NSD2: variants seen among roughly 807,000 people sequenced by gnomAD.
NSD2 encodes histone-lysine N-methyltransferase NSD2.
In NSD2, 12 loss-of-function variants were observed where a neutral mutation model predicts 139.0. The ratio of observed to expected loss-of-function variants is 0.09; its 90% CI spans 0.06 to 0.14. The LOEUF (loss-of-function observed/expected upper bound fraction) is 0.14. Ranked by LOEUF, NSD2 falls within the 10% of genes least tolerant of loss-of-function variation. The pLI, the probability that NSD2 is intolerant of heterozygous loss-of-function variation, is 1.00. For missense variants in NSD2, 1,155 were observed against 1,745.0 expected (o/e 0.66, Z 6.02); for synonymous variants, 669 against 648.7 (o/e 1.03, Z -0.48).
At chr4:1,947,918 G>C in intron 9 of NSD2, 1 of 1,056,524 alleles carries the variant, frequency 9.5e-7, no homozygotes, top group South Asian at 4.6e-5. Flanking sequence ...GTCACAGAAG[G>C]TGGCATCTGA....
chr4:1,946,767 T>C, intron 9 of NSD2: 5 of 1,049,604 alleles, frequency 4.8e-6, no homozygotes, highest in Non-Finnish European at 3.5e-6. Flanking sequence ...TTCATCTGAT[T>C]CCTATACTGG....
chr4:1,881,934 G>T (rs1714736587), intron 1 of NSD2, among the ~76,000 whole-genome samples: 1 of 152,318 alleles, frequency 6.6e-6, no homozygotes, highest in East Asian at 1.9e-4. Flanking sequence ...CCTGTGCAGA[G>T]CTTCTGTGAT....
At chr4:1,938,844 T>G (rs566430915) in intron 8 of NSD2, among the ~76,000 whole-genome samples, 4 of 152,360 alleles carry the variant, frequency 2.6e-5, no homozygotes, top group African/African-American at 9.6e-5. Flanking sequence ...GTTTTCAGGT[T>G]TCTTACTTGA....
intron 8 of NSD2, 162 bp from the exon 9 acceptor site, chr4:1,939,488 TTTTG>T (rs1342635230): frequency 2.7e-6 from 2 of 752,100 alleles, no homozygotes; most frequent in East Asian, 2.7e-5. Flanking sequence ...GTTTGTCTGC[TTTTG>T]TTTATGTTCA....
At chr4:1,919,953 G>A (rs1451508128) in intron 5 of NSD2, among the ~76,000 whole-genome samples, 1 of 151,936 alleles carries the variant, frequency 6.6e-6, no homozygotes, top group Non-Finnish European at 1.5e-5. Flanking sequence ...AGGAAAAAAA[G>A]TCTGTCTTCA....
chr4:1,959,145 C>T (rs1725121410), intron 16 of NSD2, among the ~76,000 whole-genome samples: 1 of 152,218 alleles, frequency 6.6e-6, no homozygotes, highest in Non-Finnish European at 1.5e-5. Flanking sequence ...GTGTACTAAG[C>T]AATCAACACG....
chr4:1,900,753 G>A lies in NSD2; in HGVS notation c.99G>A (p.Gly33=). Residue 33 remains glycine (G), a synonymous_variant, in exon 2 of 22, where the codon GGG becomes GGA. Transcript: ENST00000508803. ...QAPEILGSAN[G]KTPSCEVNRE... ...CAGAAATCCTCGGCAGTGCCAACGGGAAGACTCCGAGCTGCGAGGTGAACC... is the reference window on the plus strand; with the variant it reads ...CAGAAATCCTCGGCAGTGCCAACGGAAAGACTCCGAGCTGCGAGGTGAACC... 1 of 1,614,158 alleles carries A rather than the reference G, an allele frequency of 6.2e-7. No individual in the cohort carries two copies. Among genetic ancestry groups the A allele is most frequent in the Non-Finnish European group, 8.5e-7 (1 of 1,180,032 alleles).
intron 5 of NSD2, among the ~76,000 whole-genome samples, chr4:1,921,356 G>A (rs531648553): frequency 9.2e-5 from 14 of 152,270 alleles, no homozygotes; most frequent in South Asian, 4.1e-4. Context: ...CTATGTGGGA[G>A]GCTGAGGCAG....
chr4:1,901,860 C>G (rs1717224566), intron 2 of NSD2, among the ~76,000 whole-genome samples: 1 of 152,228 alleles, frequency 6.6e-6, no homozygotes, highest in African/African-American at 2.4e-5. Context: ...GCCCAGCACA[C>G]TGAACACAAG....
chr4:1,898,670 A>C (rs1348181052), intron 1 of NSD2, among the ~76,000 whole-genome samples: 1 of 146,762 alleles, frequency 6.8e-6, no homozygotes, highest in East Asian at 1.9e-4. Flanking sequence ...AAAAAAAAAA[A>C]ACAAAAAACA....
In NSD2 at chr4:1,900,883, G is replaced by C; in HGVS notation, c.229G>C (p.Asp77His). ...CGACGCCCTGCCCTTTATTCCAGCC[G>C]ACAAGCTGAAAGATCTTACTTCCCG... Reference protein sequence around the residue: ...GHDALPFIPADKLKDLTSRVF... With the variant: ...GHDALPFIPAHKLKDLTSRVF... Residue 77 changes from aspartate to histidine, a missense_variant, in exon 2 of 22, where the codon GAC becomes CAC. Around this residue, in one of 8 missense-constraint regions of NSD2, gnomAD observed 246 missense variants for 262.8 expected, o/e 0.94. Coordinates refer to ENST00000508803, the MANE Select transcript of NSD2 (RefSeq NM_001042424.3). 6.2e-7 allele frequency: 1 copy of C among 1,612,934 alleles called. No homozygotes were observed. The highest frequency in any genetic ancestry group is 8.5e-7 in the Non-Finnish European group (1 of 1,179,208).
intron 1 of NSD2, among the ~76,000 whole-genome samples, chr4:1,897,729 C>T (rs571376296): frequency 6.6e-5 from 10 of 152,274 alleles, no homozygotes; most frequent in Non-Finnish European, 1.2e-4. Context: ...TGGGTTCAAG[C>T]GATTCTCCTG....
chr4:1,898,961 T>C (rs2108739846), intron 1 of NSD2, among the ~76,000 whole-genome samples: 1 of 152,336 alleles, frequency 6.6e-6, no homozygotes, highest in South Asian at 2.1e-4. Flanking sequence ...CTGCTTTTGG[T>C]TGCTCTCAGT....
intron 3 of NSD2, among the ~76,000 whole-genome samples, chr4:1,908,644 G>A (rs889903723): frequency 6.6e-6 from 1 of 152,166 alleles, no homozygotes; most frequent in African/African-American, 2.4e-5. Context: ...ATCAGGAGGA[G>A]CTTATGTGTC....
rs1459240037 is a variant in NSD2 at position 1,955,697 on chromosome 4, G to T, written c.2523G>T (p.Gly841=). 6.2e-7 allele frequency: 1 copy of T among 1,612,402 alleles called. No homozygotes were observed. The highest frequency in any genetic ancestry group is 8.5e-7 in the Non-Finnish European group (1 of 1,179,132). Residue 841 remains glycine, a synonymous_variant, in exon 14 of 22, where the codon GGG becomes GGT. Transcript: ENST00000508803. This position sits in a 1 kb window ranked among gnomAD's most constrained non-coding sequence, Gnocchi z 4.7. Reference sequence around the variant, plus strand: ...CGCCTCGCCCTCCTCTTGCAGGGGGGAGCCTTCTGTGCTGTGAGTCCTGCC... The same window carrying T: ...CGCCTCGCCCTCCTCTTGCAGGGGGTAGCCTTCTGTGCTGTGAGTCCTGCC... ...VSWCFVCSKG[G]SLLCCESCPA... is the part of the protein sequence containing the mutation.
At chr4:1,938,409 T>G (rs747597002) in intron 7 of NSD2, 42 bp from the exon 8 acceptor site, 21 of 1,194,336 alleles carry the variant, frequency 1.8e-5, no homozygotes, top group Non-Finnish European at 2.2e-5. Flanking sequence ...TTCTTTTTTT[T>G]TTCTTTCTTT....
At chr4:1,904,853 G>A (rs184284304) in intron 3 of NSD2, among the ~76,000 whole-genome samples, 8 of 152,170 alleles carry the variant, frequency 5.3e-5, no homozygotes, top group South Asian at 4.2e-4. Flanking sequence ...ATGTACGGCC[G>A]GGCACGGTGG....
At position 1,944,241 on chromosome 4, in the gene NSD2, G is replaced by A. The variant is rs75348304; in HGVS notation, c.1881+4463G>A. The A allele has an allele frequency of 1.1e-3, 1,133 of 1,066,160 alleles. 5 individuals carry two copies. In the African/African-American group the frequency reaches 0.017, roughly 16 times the overall value. The allele number at this position is 1,066,160 out of a possible 1,614,324, so 66.0% of individuals were successfully genotyped here. A position where few individuals can be genotyped will look rare whatever the true frequency, so the allele number is the denominator to read the frequency against. ...TCATCCTAGAGGAGCGGAGTTTTCC[G>A]AGAGGACCATCTCCTGGTTTCCTGA... On this transcript the variant is annotated intron_variant, in intron 9 of 21. Transcript: ENST00000508803.
At chr4:1,883,448 A>G (rs1198660522) in intron 1 of NSD2, among the ~76,000 whole-genome samples, 1 of 152,058 alleles carries the variant, frequency 6.6e-6, no homozygotes, top group Non-Finnish European at 1.5e-5. Context: ...CCTGGCCAAC[A>G]TGGCGAAACC....
Sources: allele counts gnomAD v4.1 joint callset (sites outside exome capture counted in the v4.1 genomes callset), GRCh38; gene constraint gnomAD v4.1.1; regional missense constraint gnomAD v4.1.1; non-coding constraint Gnocchi (gnomAD v3.1); transcripts MANE v1.5; gene names NCBI Gene and HGNC (gene_info 2026-07-23, HGNC 2026-07-21).